KLHL1: variants seen among roughly 807,000 people sequenced by gnomAD.
KLHL1 encodes kelch-like protein 1.
In KLHL1, 47 loss-of-function variants were observed where a neutral mutation model predicts 77.7. The observed-to-expected ratio is 0.60, with a 90% CI of 0.48 to 0.77. KLHL1 has a LOEUF of 0.77. Among genes scored for constraint, KLHL1 ranks in the 30% least tolerant of loss-of-function variants. The pLI, the probability that KLHL1 is intolerant of heterozygous loss-of-function variation, is 0.00. For missense variants in KLHL1, 925 were observed against 910.8 expected (o/e 1.02, Z -0.20); for synonymous variants, 360 against 325.2 (o/e 1.11, Z -1.15).
intron 5 of KLHL1, among the ~76,000 whole-genome samples, chr13:69,850,996 T>A (rs1361604239): frequency 6.6e-6 from 1 of 151,726 alleles, no homozygotes; most frequent in East Asian, 1.9e-4. Flanking sequence ...TATAAACAAG[T>A]CTCCACTGGA....
intron 7 of KLHL1, among the ~76,000 whole-genome samples, chr13:69,770,293 T>G (rs1875502526): frequency 6.6e-6 from 1 of 152,146 alleles, no homozygotes; most frequent in Non-Finnish European, 1.5e-5. Context: ...GCAAGCCAAG[T>G]GCAGCCTGCT....
intron 10 of KLHL1, among the ~76,000 whole-genome samples, chr13:69,702,119 T>C (rs933768741): frequency 6.6e-6 from 1 of 151,734 alleles, no homozygotes; most frequent in African/African-American, 2.4e-5. Context: ...GGAGTATATT[T>C]TAGATGAAAT....
intron 1 of KLHL1, among the ~76,000 whole-genome samples, chr13:70,100,724 A>G (rs115231143): frequency 1.5e-3 from 222 of 152,336 alleles, no homozygotes; most frequent in African/African-American, 5.0e-3. Flanking sequence ...TCTTTTCTTT[A>G]AAGTTTTAAA....
chr13:69,732,512 T>C lies in KLHL1; in HGVS notation c.1802+7882A>G, dbSNP rs542960836. Among the ~76,000 whole-genome samples, 6 of 152,308 alleles carry C rather than the reference T, an allele frequency of 3.9e-5. No individual in the cohort carries two copies. The South Asian group carries it at 1.2e-3, about 32-fold the overall frequency. On this transcript the variant is annotated intron_variant, in intron 8 of 10. Coordinates refer to ENST00000377844, the MANE Select transcript of KLHL1 (RefSeq NM_020866.3). ...GGTCTACATCCTCTCCTGTATTTTC[T>C]GCTTTTGAAATAAGGGCTAAATCTC...
intron 3 of KLHL1, among the ~76,000 whole-genome samples, chr13:69,956,078 A>C (rs1296757557): frequency 7.2e-6 from 1 of 138,612 alleles, no homozygotes; most frequent in Middle Eastern, 3.4e-3. Flanking sequence ...TATTTGATAT[A>C]TATATTTTTA....
At chr13:69,718,983 C>T (rs1309608279) in intron 9 of KLHL1, among the ~76,000 whole-genome samples, 1 of 151,912 alleles carries the variant, frequency 6.6e-6, no homozygotes, top group Non-Finnish European at 1.5e-5. Context: ...AGCAAAATAT[C>T]CAATATTTTT....
chr13:70,016,968 C>T (rs1885674684), intron 1 of KLHL1, among the ~76,000 whole-genome samples: 1 of 152,166 alleles, frequency 6.6e-6, no homozygotes, highest in African/African-American at 2.4e-5. Context: ...AAAGAAGCTA[C>T]CCACTGTGGG....
At chr13:69,892,356 T>G (rs1881453423) in intron 4 of KLHL1, among the ~76,000 whole-genome samples, 1 of 152,148 alleles carries the variant, frequency 6.6e-6, no homozygotes, top group South Asian at 2.1e-4. Context: ...GGGCACCTGA[T>G]CATATAATTT....
intron 7 of KLHL1, among the ~76,000 whole-genome samples, chr13:69,784,691 C>T (rs1417319186): frequency 6.6e-6 from 1 of 151,394 alleles, no homozygotes; most frequent in Non-Finnish European, 1.5e-5. Context: ...AAAGCAAGTC[C>T]TTAGTGACCT....
rs7984775 is a variant in KLHL1, at chr13:69,881,538, C to T, written c.1227+745G>A. ...TCAAGCTTATTTTTGGATAACTTTA[C>T]CAGCCAGAAACCCTGAATTAACAAT... On this transcript the variant is annotated intron_variant, in intron 5 of 10. Transcript: ENST00000377844. Among the ~76,000 whole-genome samples, 535 of 152,230 alleles carry T rather than the reference C, an allele frequency of 3.5e-3. 4 individuals are homozygous for T. The highest frequency in any genetic ancestry group is 0.013 in the African/African-American group (520 of 41,546).
At chr13:69,759,846 A>G (rs9564604) in intron 7 of KLHL1, among the ~76,000 whole-genome samples, 36,009 of 152,080 alleles carry the variant, frequency 0.24, 4,338 homozygotes, top group South Asian at 0.31. Context: ...GCAAAGGCCC[A>G]GTTAAGACAA....
chr13:69,786,183 A>G (rs1876534022), intron 7 of KLHL1, among the ~76,000 whole-genome samples: 1 of 152,208 alleles, frequency 6.6e-6, no homozygotes, highest in Non-Finnish European at 1.5e-5. Context: ...CTGATACCAA[A>G]GCCTGGCACA....
At chr13:69,990,633 T>C (rs1885005733) in intron 1 of KLHL1, among the ~76,000 whole-genome samples, 1 of 152,062 alleles carries the variant, frequency 6.6e-6, no homozygotes, top group African/African-American at 2.4e-5. Context: ...ATCCTAATTC[T>C]ATATGCACCC....
chr13:69,997,481 C>T (rs1885184872), intron 1 of KLHL1, among the ~76,000 whole-genome samples: 2 of 151,022 alleles, frequency 1.3e-5, no homozygotes, highest in Non-Finnish European at 2.9e-5. Flanking sequence ...CCCTTCTAGC[C>T]ACGGGAAACC....
chr13:69,976,495 AT>A (rs1884548938), intron 1 of KLHL1, among the ~76,000 whole-genome samples: 1 of 152,094 alleles, frequency 6.6e-6, no homozygotes, highest in Non-Finnish European at 1.5e-5. Context: ...TTCAAAAAAA[AT>A]AACTTTAATA....
At chr13:70,026,609 T>G (rs1885947755) in intron 1 of KLHL1, among the ~76,000 whole-genome samples, 2 of 152,096 alleles carry the variant, frequency 1.3e-5, no homozygotes, top group South Asian at 4.1e-4. Flanking sequence ...AGACAACATA[T>G]ATTTATAAGG....
chr13:69,944,539 C>A (rs151070719), intron 3 of KLHL1, among the ~76,000 whole-genome samples: 3 of 152,208 alleles, frequency 2.0e-5, no homozygotes, highest in African/African-American at 7.2e-5. Context: ...GGGGATCACC[C>A]AACATAGCAT....
At chr13:70,063,114 T>G (rs576888738) in intron 1 of KLHL1, among the ~76,000 whole-genome samples, 10 of 152,272 alleles carry the variant, frequency 6.6e-5, no homozygotes, top group Admixed American at 5.9e-4. Context: ...AACCCAGCTT[T>G]AATTCCACAG....
chr13:69,843,022 A>G (rs1593880169), intron 5 of KLHL1, among the ~76,000 whole-genome samples: 1 of 151,718 alleles, frequency 6.6e-6, no homozygotes. Flanking sequence ...AAGACAGATA[A>G]CAGAGACTGT....
Sources: gnomAD v4.1 joint callset for allele counts (sites outside exome capture counted in the v4.1 genomes callset) on GRCh38, gnomAD v4.1.1 for gene constraint, MANE v1.5 for transcripts, NCBI Gene and HGNC (gene_info 2026-07-23, HGNC 2026-07-21) for gene names.